The following CNTNAP2 variants were observed in gnomAD, a reference collection of about 807,000 sequenced individuals.
CNTNAP2 encodes the protein contactin associated protein 2.
Under a neutral mutation model 155.2 loss-of-function variants are expected in CNTNAP2, and 98 were observed. That is an observed-to-expected ratio of 0.63 (90% confidence interval 0.54 to 0.75). The LOEUF is 0.75. Ranked by LOEUF, CNTNAP2 falls within the 30% of genes least tolerant of loss-of-function variation. The pLI, the probability that CNTNAP2 is intolerant of heterozygous loss-of-function variation, is 0.00. For missense variants in CNTNAP2, 1,727 were observed against 1,688.1 expected (o/e 1.02, Z -0.40); for synonymous variants, 651 against 631.2 (o/e 1.03, Z -0.47).
At chr7:148,300,217 T>C (rs1797358150) in intron 21 of CNTNAP2, among the ~76,000 whole-genome samples, 1 of 152,248 alleles carries the variant, frequency 6.6e-6, no homozygotes, top group Admixed American at 6.5e-5. Context: ...AAAAGCCTTA[T>C]GGTTTCATGA....
At chr7:147,994,986 A>C (rs1236468000) in intron 15 of CNTNAP2, among the ~76,000 whole-genome samples, 1 of 152,228 alleles carries the variant, frequency 6.6e-6, no homozygotes, top group Non-Finnish European at 1.5e-5. Flanking sequence ...GGAAACGTGC[A>C]TGAGATGAAG....
At chr7:146,239,524 T>G in intron 1 of CNTNAP2, among the ~76,000 whole-genome samples, 1 of 152,168 alleles carries the variant, frequency 6.6e-6, no homozygotes, top group East Asian at 1.9e-4. Context: ...TCCCACTAAG[T>G]GCTGATGTAT....
At chr7:147,976,605 A>G (rs148119716) in intron 14 of CNTNAP2, among the ~76,000 whole-genome samples, 2 of 152,350 alleles carry the variant, frequency 1.3e-5, no homozygotes, top group East Asian at 3.9e-4. Context: ...TTTGAGGCCA[A>G]CTGGCCAAGT....
chr7:148,103,339 G>A lies in CNTNAP2; in HGVS notation c.2384-14779G>A, dbSNP rs115432474. On this transcript the variant is annotated intron_variant, in intron 15 of 23. Coordinates refer to ENST00000361727, the MANE Select transcript of CNTNAP2 (RefSeq NM_014141.6). ...GGGGGTCTCCTTTCACATCATCCAC[G>A]CAGCAGCAACTTCTGGTGAACACAC... Among the ~76,000 whole-genome samples, 638 of 151,842 alleles carry A rather than the reference G, an allele frequency of 4.2e-3. 5 individuals are homozygous for A. The highest frequency in any genetic ancestry group is 0.015 in the African/African-American group (616 of 41,412).
chr7:146,606,639 T>A (rs1186874827), intron 1 of CNTNAP2, among the ~76,000 whole-genome samples: 1 of 152,224 alleles, frequency 6.6e-6, no homozygotes, highest in Non-Finnish European at 1.5e-5. Context: ...CAATATTTAA[T>A]TCAACAAGCA....
At chr7:147,953,215 G>T (rs1800964767) in intron 14 of CNTNAP2, among the ~76,000 whole-genome samples, 1 of 152,062 alleles carries the variant, frequency 6.6e-6, no homozygotes, top group African/African-American at 2.4e-5. Context: ...GTGTTCCATT[G>T]TCTCTTCCCC....
intron 14 of CNTNAP2, among the ~76,000 whole-genome samples, chr7:147,967,494 A>G (rs1027465993): frequency 6.6e-6 from 1 of 152,170 alleles, no homozygotes; most frequent in Non-Finnish European, 1.5e-5. Context: ...CCAAAATATT[A>G]CTGTTCTAAT....
intron 2 of CNTNAP2, among the ~76,000 whole-genome samples, chr7:146,836,025 A>G (rs896614924): frequency 6.6e-6 from 1 of 152,174 alleles, no homozygotes; most frequent in African/African-American, 2.4e-5. Context: ...AAATTCCTGA[A>G]GAGGAATTAC....
intron 1 of CNTNAP2, among the ~76,000 whole-genome samples, chr7:146,413,673 T>C (rs1795897790): frequency 6.6e-6 from 1 of 152,160 alleles, no homozygotes; most frequent in Non-Finnish European, 1.5e-5. Context: ...TTTCTCTCTT[T>C]CTCCTGCTCC....
At chr7:147,307,996 G>C (rs1375810659) in intron 9 of CNTNAP2, among the ~76,000 whole-genome samples, 1 of 152,208 alleles carries the variant, frequency 6.6e-6, no homozygotes, top group Non-Finnish European at 1.5e-5. Flanking sequence ...TTGGTTAAAT[G>C]AGTGTATTTG....
At chr7:146,959,726 A>AC (rs1797517339) in intron 3 of CNTNAP2, among the ~76,000 whole-genome samples, 4 of 151,952 alleles carry the variant, frequency 2.6e-5, no homozygotes, top group African/African-American at 9.6e-5. Flanking sequence ...AAAAAAAAAA[A>AC]AAAAAAAGAA....
intron 8 of CNTNAP2, among the ~76,000 whole-genome samples, chr7:147,270,514 C>A (rs929332332): frequency 1.3e-5 from 2 of 152,190 alleles, no homozygotes; most frequent in African/African-American, 4.8e-5. Flanking sequence ...ACCTCTGTGG[C>A]TCCCATTATA....
intron 1 of CNTNAP2, among the ~76,000 whole-genome samples, chr7:146,368,906 A>G (rs1433479610): frequency 6.7e-6 from 1 of 150,224 alleles, no homozygotes; most frequent in Non-Finnish European, 1.5e-5. Context: ...CCATACTTTT[A>G]AATACTGTAA....
At chr7:147,380,715 A>G (rs898977866) in intron 9 of CNTNAP2, among the ~76,000 whole-genome samples, 2 of 152,170 alleles carry the variant, frequency 1.3e-5, no homozygotes, top group African/African-American at 2.4e-5. Context: ...TTAATATCAA[A>G]TTAACAGAAT....
At chr7:148,140,256 CAG>C (rs1275504973) in intron 16 of CNTNAP2, among the ~76,000 whole-genome samples, 1 of 152,048 alleles carries the variant, frequency 6.6e-6, no homozygotes, top group Non-Finnish European at 1.5e-5. Flanking sequence ...CCTCCATGTT[CAG>C]AGTCTTTACT....
chr7:148,365,418 A>G (rs1283147246), intron 21 of CNTNAP2, among the ~76,000 whole-genome samples: 2 of 152,152 alleles, frequency 1.3e-5, no homozygotes, highest in Admixed American at 6.6e-5. Flanking sequence ...TAATCCCAGC[A>G]CTTTGGGAGA....
intron 4 of CNTNAP2, among the ~76,000 whole-genome samples, chr7:147,075,047 A>G (rs1799969232): frequency 6.6e-6 from 1 of 152,234 alleles, no homozygotes; most frequent in Admixed American, 6.5e-5. Context: ...AAGAGTACAC[A>G]GTAATGTTAT....
intron 2 of CNTNAP2, among the ~76,000 whole-genome samples, chr7:146,790,201 T>C (rs1484031918): frequency 6.6e-6 from 1 of 152,188 alleles, no homozygotes; most frequent in South Asian, 2.1e-4. Flanking sequence ...GTTACCATTA[T>C]CTACCTTCTC....
chr7:148,066,862 G>A (rs922470997), intron 15 of CNTNAP2, among the ~76,000 whole-genome samples: 1 of 152,094 alleles, frequency 6.6e-6, no homozygotes, highest in Non-Finnish European at 1.5e-5. Context: ...TTTGATCTCT[G>A]AAGTTCTTTC....
Sources: allele counts gnomAD v4.1 joint callset (sites outside exome capture counted in the v4.1 genomes callset), GRCh38; gene constraint gnomAD v4.1.1; transcripts MANE v1.5; gene names NCBI Gene and HGNC (gene_info 2026-07-23, HGNC 2026-07-21).